Variants in HDAC5 observed in about 807,000 individuals in gnomAD.
HDAC5 encodes the protein antigen NY-CO-9.
Under a neutral mutation model 133.3 loss-of-function variants are expected in HDAC5, and 25 were observed. That is an observed-to-expected ratio of 0.19 (90% CI 0.14 to 0.26). HDAC5 has a LOEUF of 0.26. Among genes scored for constraint, HDAC5 ranks in the 10% least tolerant of loss-of-function variants. HDAC5 has a pLI of 1.00. For missense variants in HDAC5, 1,041 were observed against 1,460.5 expected (o/e 0.71, Z 4.68); for synonymous variants, 589 against 610.8 (o/e 0.96, Z 0.53).
chr17:44,091,216 G>A, intron 11 of HDAC5, 54 bp downstream of exon 11: 2 of 1,333,162 alleles, frequency 1.5e-6, no homozygotes, highest in South Asian at 1.2e-5. Flanking sequence ...GAGTATCCCT[G>A]ACAGTTGGTC....
chr17:44,081,265 T>C (rs1273000341), intron 20 of HDAC5, among the ~76,000 whole-genome samples: 1 of 152,082 alleles, frequency 6.6e-6, no homozygotes, highest in African/African-American at 2.4e-5. Flanking sequence ...TTTTTTTTTT[T>C]TGAGACCAAG....
chr17:44,113,956 G>A (rs1567689158), intron 2 of HDAC5, among the ~76,000 whole-genome samples: 1 of 152,206 alleles, frequency 6.6e-6, no homozygotes, highest in Non-Finnish European at 1.5e-5. Context: ...GTTCTTTCCT[G>A]CCCTTCGAGC....
intron 3 of HDAC5, among the ~76,000 whole-genome samples, chr17:44,102,932 G>A (rs1313868085): frequency 6.6e-6 from 1 of 152,138 alleles, no homozygotes; most frequent in Non-Finnish European, 1.5e-5. Flanking sequence ...CTCCCAAAGT[G>A]TTGGGATTAC....
chr17:44,082,642 G>T lies in HDAC5; in HGVS notation c.2550C>A (p.Ile850=). The change falls in exon 20 of 27, where the codon ATC becomes ATA. Residue 850 remains isoleucine (I), a synonymous_variant. Coordinates refer to ENST00000682912, the MANE Select transcript of HDAC5 (RefSeq NM_005474.5). ...ACTTCTGCTGTAGGAGTTTTGCGGT[G>T]ATGGCTACAGAGTTGAAGAAGCAGA... is the stretch of plus-strand genomic sequence containing the variant. The part of the protein sequence containing the change: ...MGFCFFNSVA[I]TAKLLQQKLN... 6.2e-7 allele frequency: 1 copy of T among 1,614,156 alleles called. No homozygotes were observed. Among genetic ancestry groups the T allele is most frequent in the Non-Finnish European group, 8.5e-7 (1 of 1,180,004 alleles).
chr17:44,122,027 GA>G (rs1181996128), intron 1 of HDAC5, among the ~76,000 whole-genome samples: 1 of 152,108 alleles, frequency 6.6e-6, no homozygotes, highest in Admixed American at 6.6e-5. Flanking sequence ...GAGGAGTCAA[GA>G]AAAGAGGAAG....
chr17:44,110,912 G>T, intron 2 of HDAC5, 112 bp from the exon 3 acceptor site: 1 of 875,396 alleles, frequency 1.1e-6, no homozygotes, highest in South Asian at 1.5e-5. Context: ...GCGGGGAGCA[G>T]ACCGAAGGGA....
intron 3 of HDAC5, among the ~76,000 whole-genome samples, chr17:44,108,649 A>G (rs762733262): frequency 3.6e-4 from 54 of 149,436 alleles, no homozygotes; most frequent in Non-Finnish European, 7.4e-5. Flanking sequence ...GGGAAACACC[A>G]GGCTGCCTGG....
At position 44,087,425 on chromosome 17, in the gene HDAC5, G is replaced by T; in HGVS notation, c.1871C>A (p.Ala624Asp). Residue 624 changes from alanine (A) to aspartate (D), a missense_variant, in exon 13 of 27, where the codon GCT (alanine) becomes GAT (aspartate). By Grantham distance (126) the Ala-to-Asp change is moderately radical. This residue lies in a region of HDAC5 where 433 missense variants were observed against 531.6 expected (regional missense o/e 0.81). Transcript: ENST00000682912. Reference sequence around the variant, plus strand: ...GACGGGGCTCACTTTTTTGTATCCAGCACCAGGCTCCTCCAAGTCGGGCCC... The same window carrying T: ...GACGGGGCTCACTTTTTTGTATCCATCACCAGGCTCCTCCAAGTCGGGCCC... ...EEGPDLEEPG[A>D]GYKKLFSDAQ... 1 of 1,078,300 alleles carries T rather than the reference G, an allele frequency of 9.3e-7. No homozygotes were observed. The highest frequency in any genetic ancestry group is 1.4e-6 in the Non-Finnish European group (1 of 692,744). 66.8% of individuals were successfully genotyped at this position (1,078,300 alleles called of 1,614,324 possible).
chr17:44,091,792 G>C lies in HDAC5; in HGVS notation c.1072C>G (p.Pro358Ala). 6.3e-7 allele frequency: 1 copy of C among 1,599,546 alleles called. No individual in the cohort carries two copies. The highest frequency in any genetic ancestry group is 8.5e-7 in the Non-Finnish European group (1 of 1,173,122). Reference sequence around the variant, plus strand: ...GACGTGTAGAGGCTGAACTGGTTGGGGGAGCTGTCCAGAGGGAGGGCTCGG... The same window carrying C: ...GACGTGTAGAGGCTGAACTGGTTGGCGGAGCTGTCCAGAGGGAGGGCTCGG... ...QHRALPLDSS[P>A]NQFSLYTSPS... Residue 358 changes from proline (P) to alanine (A), a missense_variant, in exon 10 of 27, where the codon CCC becomes GCC. Physicochemically the swap from Pro to Ala is conservative, Grantham distance 27 (BLOSUM62 -1). Coordinates refer to ENST00000682912, the MANE Select transcript of HDAC5 (RefSeq NM_005474.5).
intron 3 of HDAC5, among the ~76,000 whole-genome samples, chr17:44,096,542 C>T (rs2051284456): frequency 6.7e-6 from 1 of 150,200 alleles, no homozygotes; most frequent in Non-Finnish European, 1.5e-5. Context: ...GGCACAATCT[C>T]GGCTCACTGC....
At chr17:44,095,955 C>T (rs547084613) in intron 3 of HDAC5, among the ~76,000 whole-genome samples, 3 of 152,202 alleles carry the variant, frequency 2.0e-5, no homozygotes, top group African/African-American at 7.2e-5. Context: ...GACAATGGGC[C>T]GAGTGGCTCA....
At chr17:44,088,698 A>C in intron 11 of HDAC5, 100 bp from the exon 12 acceptor site, 6 of 1,486,190 alleles carry the variant, frequency 4.0e-6, no homozygotes, top group South Asian at 1.3e-5. Flanking sequence ...CTGGCATATC[A>C]CCACCTATAT....
At chr17:44,099,917 T>G (rs554314841) in intron 3 of HDAC5, among the ~76,000 whole-genome samples, 16 of 152,320 alleles carry the variant, frequency 1.1e-4, no homozygotes, top group Admixed American at 9.8e-4. Context: ...CCGCTGGGTC[T>G]GCCTCCTCTT....
chr17:44,093,232 G>A, intron 5 of HDAC5, 26 bp from the exon 6 acceptor site: 1 of 1,592,916 alleles, frequency 6.3e-7, no homozygotes, highest in Non-Finnish European at 8.6e-7. Flanking sequence ...CAACTGACCT[G>A]GCTGCTTGGG....
intron 3 of HDAC5, among the ~76,000 whole-genome samples, chr17:44,100,768 AATACATAC>A (rs545334922): frequency 6.6e-6 from 1 of 151,016 alleles, no homozygotes; most frequent in Non-Finnish European, 1.5e-5. Flanking sequence ...TAAATAAATA[AATACATAC>A]ATACATACGT....
chr17:44,117,586 A>C lies in HDAC5; in HGVS notation c.-71T>G. ...GAGGGGGTGGAGCTGCGGTGATGTC[A>C]AGAGAGACAGACGATAACAGACAGA... On this transcript the variant is annotated 5_prime_UTR_variant, in exon 2 of 27. The change abolishes the stop of an existing upstream ORF in the 5' untranslated region. Coordinates refer to ENST00000682912, the MANE Select transcript of HDAC5 (RefSeq NM_005474.5). The surrounding 1 kb of genome is among the most constrained non-coding windows in gnomAD (Gnocchi z 4.2). 1 of 1,556,038 alleles carries C rather than the reference A, an allele frequency of 6.4e-7. No homozygotes were observed. The highest frequency in any genetic ancestry group is 8.8e-7 in the Non-Finnish European group (1 of 1,133,178).
Position 44,080,221 on chromosome 17 carries a change from C to T in HDAC5, c.2830G>A (p.Val944Met). 6.2e-7 allele frequency: 1 copy of T among 1,613,310 alleles called. No homozygotes were observed. Residue 944 changes from valine (V) to methionine (M), a missense_variant, in exon 23 of 27, where the codon GTG becomes ATG. Transcript: ENST00000682912. Reference protein sequence around the residue: ...DVEYLTAFRTVVMPIAHEFSP... With the variant: ...DVEYLTAFRTMVMPIAHEFSP... ...AACTCGTGGGCAATGGGCATCACCA[C>T]TGTCCTGCAAAGGGATGGCTCAAGC...
At chr17:44,107,738 C>T (rs2052059070) in intron 3 of HDAC5, among the ~76,000 whole-genome samples, 1 of 152,024 alleles carries the variant, frequency 6.6e-6, no homozygotes, top group East Asian at 1.9e-4. Flanking sequence ...CCTATACACA[C>T]AGCCAAACCC....
At chr17:44,094,408 C>T (rs1326292163) in intron 3 of HDAC5, among the ~76,000 whole-genome samples, 2 of 151,862 alleles carry the variant, frequency 1.3e-5, no homozygotes, top group East Asian at 1.9e-4. Flanking sequence ...GAGGCTGAGG[C>T]GGGTAGATCA....
Sources: allele counts gnomAD v4.1 joint callset (sites outside exome capture counted in the v4.1 genomes callset), GRCh38; gene constraint gnomAD v4.1.1; regional missense constraint gnomAD v4.1.1; non-coding constraint Gnocchi (gnomAD v3.1); transcripts MANE v1.5; gene names NCBI Gene and HGNC (gene_info 2026-07-23, HGNC 2026-07-21).